DCDC1: variants seen among roughly 807,000 people sequenced by gnomAD.
DCDC1 encodes the protein doublecortin domain-containing protein 1.
In DCDC1, 200 loss-of-function variants were observed where a neutral mutation model predicts 178.3. The observed-to-expected ratio is 1.12, with a 90% CI of 1.00 to 1.26. The LOEUF (loss-of-function observed/expected upper bound fraction) is 1.26. Among genes scored for constraint, DCDC1 ranks in the 50% most tolerant of loss-of-function variants. The pLI is 0.00. For synonymous variants in DCDC1, 690 were observed against 604.8 expected, an observed-to-expected ratio of 1.14 and a Z score of -2.07; for missense variants, 1,983 against 1,749.2, an observed-to-expected ratio of 1.13 and a Z score of -2.38.
chr11:31,004,725 C>T (rs971252426), intron 20 of DCDC1, among the ~76,000 whole-genome samples: 5 of 149,770 alleles, frequency 3.3e-5, no homozygotes, highest in East Asian at 2.0e-4. Context: ...GTCAGACTGA[C>T]GGGGTTCAAA....
At chr11:30,878,821 C>T (rs1942384423) in intron 37 of DCDC1, 110 bp from the exon 38 acceptor site, 1 of 967,204 alleles carries the variant, frequency 1.0e-6, no homozygotes, top group Non-Finnish European at 1.5e-6. Context: ...TCCTTGGCTC[C>T]CACCCTGGGC....
At chr11:31,149,324 C>T (rs989747017) in intron 9 of DCDC1, among the ~76,000 whole-genome samples, 3 of 152,078 alleles carry the variant, frequency 2.0e-5, no homozygotes, top group Non-Finnish European at 4.4e-5. Context: ...ATAGTAAATG[C>T]ACCAATCAGT....
intron 1 of DCDC1, among the ~76,000 whole-genome samples, chr11:31,345,984 T>C (rs777265486): frequency 3.9e-5 from 6 of 152,166 alleles, no homozygotes; most frequent in Non-Finnish European, 5.9e-5. Context: ...TACTATTGAT[T>C]CACATTAATG....
At chr11:31,036,535 T>A (rs896136883) in intron 20 of DCDC1, among the ~76,000 whole-genome samples, 1 of 152,074 alleles carries the variant, frequency 6.6e-6, no homozygotes, top group African/African-American at 2.4e-5. Flanking sequence ...CCCAAAAAAA[T>A]TCAAAAATGT....
chr11:31,338,116 T>C (rs943580423), intron 1 of DCDC1, among the ~76,000 whole-genome samples: 1 of 152,046 alleles, frequency 6.6e-6, no homozygotes, highest in Non-Finnish European at 1.5e-5. Flanking sequence ...GAATTAGGAG[T>C]ACTCTGATGA....
At chr11:31,087,582 T>C (rs1245014668) in intron 17 of DCDC1, among the ~76,000 whole-genome samples, 1 of 152,150 alleles carries the variant, frequency 6.6e-6, no homozygotes, top group Non-Finnish European at 1.5e-5. Context: ...TCCATTTTGA[T>C]GCCTTCTTTG....
At chr11:31,096,233 T>C (rs972892063) in intron 15 of DCDC1, among the ~76,000 whole-genome samples, 12 of 152,354 alleles carry the variant, frequency 7.9e-5, no homozygotes, top group Admixed American at 5.2e-4. Flanking sequence ...ATTTGACTTA[T>C]AGTGCTTACA....
At chr11:31,260,523 A>C (rs1944711693) in intron 8 of DCDC1, among the ~76,000 whole-genome samples, 1 of 152,218 alleles carries the variant, frequency 6.6e-6, no homozygotes, top group South Asian at 2.1e-4. Flanking sequence ...TAGGAAGTGA[A>C]CATTCAGTAT....
intron 7 of DCDC1, among the ~76,000 whole-genome samples, chr11:31,289,003 T>C (rs1275419693): frequency 6.6e-6 from 1 of 152,008 alleles, no homozygotes; most frequent in African/African-American, 2.4e-5. Context: ...TCATGAGTTC[T>C]ATCATGAATT....
intron 20 of DCDC1, among the ~76,000 whole-genome samples, chr11:30,955,569 T>A (rs77227147): frequency 0.045 from 6,810 of 152,202 alleles, 487 homozygotes; most frequent in African/African-American, 0.15. Flanking sequence ...ACTACACCAC[T>A]TTCAAAATCC....
intron 9 of DCDC1, among the ~76,000 whole-genome samples, chr11:31,153,060 C>T (rs993001415): frequency 6.6e-6 from 1 of 152,114 alleles, no homozygotes; most frequent in Non-Finnish European, 1.5e-5. Context: ...AAACCTTGAG[C>T]GGGCTAAACC....
rs143770752 is a variant in DCDC1 at position 31,154,297 on chromosome 11, C to T, written c.1222-16513G>A. On this transcript the variant is annotated intron_variant, in intron 9 of 38. Coordinates refer to ENST00000684477, the MANE Select transcript of DCDC1 (RefSeq NM_001387274.1). ...GTAGTTCTTTATAGCAGTATGAGAA[C>T]AGACTAATACAAATGCTCTCCCTCA... Among the ~76,000 whole-genome samples the T allele has an allele frequency of 3.9e-3, 598 of 152,294 alleles. 2 individuals are homozygous for T. The highest frequency in any genetic ancestry group is 0.011 in the South Asian group (53 of 4,832).
At chr11:31,158,713 A>T (rs1362746468) in intron 9 of DCDC1, among the ~76,000 whole-genome samples, 1 of 152,162 alleles carries the variant, frequency 6.6e-6, no homozygotes, top group Non-Finnish European at 1.5e-5. Context: ...GTCTTTTTTC[A>T]TATTCAAATA....
At chr11:31,323,329 T>C (rs766049045) in intron 3 of DCDC1, among the ~76,000 whole-genome samples, 6 of 152,236 alleles carry the variant, frequency 3.9e-5, no homozygotes, top group Non-Finnish European at 7.3e-5. Flanking sequence ...TGCCAAGGAT[T>C]TGTACTTGCT....
intron 6 of DCDC1, among the ~76,000 whole-genome samples, chr11:31,301,355 G>T (rs1359517351): frequency 6.6e-6 from 1 of 152,154 alleles, no homozygotes; most frequent in Non-Finnish European, 1.5e-5. Context: ...TTGCCCTGTA[G>T]GTGAACACCA....
intron 9 of DCDC1, among the ~76,000 whole-genome samples, chr11:31,213,683 G>T (rs149396848): frequency 0.053 from 7,985 of 150,778 alleles, 323 homozygotes; most frequent in Non-Finnish European, 0.073. Context: ...TCACGCCACT[G>T]CACTCCAGCT....
chr11:31,300,673 A>G (rs941000106), intron 6 of DCDC1, among the ~76,000 whole-genome samples: 13 of 152,072 alleles, frequency 8.5e-5, no homozygotes, highest in Non-Finnish European at 1.6e-4. Context: ...CAAAAAGCAA[A>G]CCACTCTGAA....
chr11:30,992,158 T>C (rs1951026594), intron 20 of DCDC1, among the ~76,000 whole-genome samples: 1 of 152,184 alleles, frequency 6.6e-6, no homozygotes, highest in Non-Finnish European at 1.5e-5. Context: ...CTCATTTGAG[T>C]GTATGTTAAC....
intron 3 of DCDC1, among the ~76,000 whole-genome samples, chr11:31,315,167 A>C (rs1948999674): frequency 6.6e-6 from 1 of 152,066 alleles, no homozygotes; most frequent in Non-Finnish European, 1.5e-5. Flanking sequence ...TAGCAATTTG[A>C]AGAAAACTCC....
Sources: gnomAD v4.1 joint callset for allele counts (sites outside exome capture counted in the v4.1 genomes callset) on GRCh38, gnomAD v4.1.1 for gene constraint, MANE v1.5 for transcripts, NCBI Gene and HGNC (gene_info 2026-07-23, HGNC 2026-07-21) for gene names.